TOPORS: variants seen among roughly 807,000 people sequenced by gnomAD.
TOPORS encodes TOP1 binding arginine/serine rich protein, E3 ubiquitin ligase.
TOPORS carries 25 observed loss-of-function variants against 81.4 expected under a neutral mutation model. The observed-to-expected ratio is 0.31, with a 90% CI of 0.22 to 0.43. TOPORS has a LOEUF of 0.43. TOPORS is among the 20% of genes least tolerant of loss of function. TOPORS has a pLI of 1.00. For missense variants in TOPORS, 1,101 were observed against 1,267.0 expected (o/e 0.87, Z 1.99); for synonymous variants, 473 against 456.6 (o/e 1.04, Z -0.46).
intron 2 of TOPORS, among the ~76,000 whole-genome samples, chr9:32,544,861 T>C (rs940155546): frequency 9.2e-5 from 14 of 152,172 alleles, no homozygotes; most frequent in Non-Finnish European, 1.6e-4. Context: ...CACTCCTCAG[T>C]TGATGTTATT....
rs1248823235 is a variant in TOPORS, at chr9:32,552,547, T to G, written c.-111A>C. On this transcript the variant is annotated 5_prime_UTR_variant, in exon 1 of 3. Transcript: ENST00000360538. Reference sequence around the variant, plus strand: ...GGGCCCGCAGGCGGAAAGGCCCTATTTCTTCAGCACCCAGAAACTCCAAAA... The same window carrying G: ...GGGCCCGCAGGCGGAAAGGCCCTATGTCTTCAGCACCCAGAAACTCCAAAA... The G allele has an allele frequency of 1.4e-6, 2 of 1,418,574 alleles. No homozygotes were observed. Among genetic ancestry groups the G allele is most frequent in the Non-Finnish European group, 1.9e-6 (2 of 1,025,760 alleles). 87.9% of individuals were successfully genotyped at this position (1,418,574 alleles called of 1,614,324 possible).
intron 1 of TOPORS, 69 bp downstream of exon 1, chr9:32,552,365 A>G (rs746205226): frequency 3.7e-5 from 59 of 1,588,150 alleles, no homozygotes; most frequent in Non-Finnish European, 4.8e-5. Context: ...CCTGGCAGCC[A>G]CCGCCTGGGA....
Position 32,545,696 on chromosome 9 carries a change from G to T in TOPORS, c.199-1370C>A, listed in dbSNP as rs570611987. Among the ~76,000 whole-genome samples, 13 of 152,124 alleles carry T rather than the reference G, an allele frequency of 8.5e-5. No individual in the cohort carries two copies. The South Asian group carries it at 2.7e-3, about 32-fold the overall frequency. The stretch of plus-strand genomic sequence containing the variant: ...GAATCGCTTGAACCCAGGAGGCAGA[G>T]GTTGCAGTGAGCTGAGACTGCACCA... On this transcript the variant is annotated intron_variant, in intron 2 of 2. Transcript: ENST00000360538.
rs957684945 is a variant in TOPORS, at chr9:32,542,902, C to T, written c.1623G>A (p.Lys541=). ...RCSSPHSVLG[K]DEQINKGHCD... is the part of the protein sequence containing the mutation. Reference sequence around the variant, plus strand: ...AATGACCTTTATTTATTTGTTCATCCTTTCCAAGGACAGAGTGTGGAGATG... The same window carrying T: ...AATGACCTTTATTTATTTGTTCATCTTTTCCAAGGACAGAGTGTGGAGATG... The change falls in exon 3 of 3, where the codon AAG becomes AAA. Residue 541 remains lysine (K), a synonymous_variant. Transcript: ENST00000360538. 6 of 1,613,960 alleles carry T rather than the reference C, an allele frequency of 3.7e-6. No homozygotes were observed. The highest frequency in any genetic ancestry group is 5.1e-6 in the Non-Finnish European group (6 of 1,180,012).
Position 32,550,979 on chromosome 9 carries a change from A to C in TOPORS, c.4-11T>G. ...CGGCGGCTGCGACCCCTGTGACGCA[A>C]AGGGCTCATCACCAATGGCAGCTCG... On this transcript the variant is annotated splice_polypyrimidine_tract_variant and intron_variant, in intron 1 of 2. Transcript: ENST00000360538. The C allele has an allele frequency of 6.2e-7, 1 of 1,609,076 alleles. No homozygotes were observed. The highest frequency in any genetic ancestry group is 8.5e-7 in the Non-Finnish European group (1 of 1,179,716).
intron 2 of TOPORS, among the ~76,000 whole-genome samples, chr9:32,550,297 C>T (rs1468140246): frequency 6.6e-6 from 1 of 152,196 alleles, no homozygotes; most frequent in African/African-American, 2.4e-5. Flanking sequence ...ACAGACAAGT[C>T]CCAACTCCCA....
chr9:32,544,021 A>G lies in TOPORS; in HGVS notation c.504T>C (p.Asn168=). The G allele has an allele frequency of 1.2e-6, 2 of 1,614,202 alleles. No homozygotes were observed. The highest frequency in any genetic ancestry group is 1.7e-6 in the Non-Finnish European group (2 of 1,180,034). The part of the protein sequence containing the change: ...FKEYVLRPSY[N]GSFVTPDRRF... ...GTCGATCAGGGGTGACAAAAGAACC[A>G]TTATACGAAGGCCTTAGGACATACT... Residue 168 remains asparagine (N), a synonymous_variant, in exon 3 of 3, where the codon AAT becomes AAC. Transcript: ENST00000360538.
At chr9:32,550,660 A>G (rs1821222415) in intron 2 of TOPORS, 114 bp downstream of exon 2, 1 of 1,216,670 alleles carries the variant, frequency 8.2e-7, no homozygotes, top group Non-Finnish European at 1.2e-6. Flanking sequence ...AGGCCCGGAC[A>G]GCCCCGCAGG....
intron 1 of TOPORS, 118 bp downstream of exon 1, chr9:32,552,316 G>C: frequency 7.0e-7 from 1 of 1,432,826 alleles, no homozygotes. Context: ...GAAGCGAGTG[G>C]GCGGGCGCTC....
chr9:32,547,886 C>T (rs1462219385), intron 2 of TOPORS, among the ~76,000 whole-genome samples: 4 of 151,678 alleles, frequency 2.6e-5, no homozygotes, highest in African/African-American at 9.7e-5. Flanking sequence ...GGCTGGAATG[C>T]AGTGGCGCGA....
At chr9:32,548,944 A>G (rs1821179042) in intron 2 of TOPORS, among the ~76,000 whole-genome samples, 2 of 152,310 alleles carry the variant, frequency 1.3e-5, no homozygotes, top group Admixed American at 6.5e-5. Context: ...AGGAGACTGG[A>G]TATTTGAAAA....
In TOPORS at chr9:32,542,289, C is replaced by T; in HGVS notation, c.2236G>A (p.Glu746Lys). ...TTTTTTTTCCTAGCATTTGTTCTTT[C>T]AGAAAAGGACTGAACTCTAAATTCT... ...SPEFRVQSFS[E>K]RTNARKKNNH... is the part of the protein sequence containing the mutation. The change falls in exon 3 of 3, where the codon GAA becomes AAA. Residue 746 changes from glutamate (E) to lysine (K), a missense_variant. Physicochemically the swap from Glu to Lys is moderately conservative, Grantham distance 56 (BLOSUM62 1). Around this residue, in one of 9 missense-constraint regions of TOPORS, gnomAD observed 605 missense variants for 636.1 expected, o/e 0.95. Coordinates refer to ENST00000360538, the MANE Select transcript of TOPORS (RefSeq NM_005802.5). 3 of 1,614,032 alleles carry T rather than the reference C, an allele frequency of 1.9e-6. No homozygotes were observed. The highest frequency in any genetic ancestry group is 1.7e-6 in the Non-Finnish European group (2 of 1,180,004).
chr9:32,542,089 TG>T lies in TOPORS; in HGVS notation c.2435del (p.Pro812HisfsTer54). The stretch of plus-strand genomic sequence containing the variant: ...TTGCTTTAGAAGCAAATTCACGAGA[TG>T]GCTGAGCCACTTCGTTAGTACCCTC... ...HLEGTNEVAQ[P>X]SREFASKAKD... On this transcript the variant is annotated frameshift_variant, in exon 3 of 3. Coordinates refer to ENST00000360538, the MANE Select transcript of TOPORS (RefSeq NM_005802.5). LOFTEE classifies it high-confidence loss of function. 1.2e-6 allele frequency: 2 copies of T among 1,614,184 alleles called. No homozygotes were observed. Among genetic ancestry groups the T allele is most frequent in the Non-Finnish European group, 1.7e-6 (2 of 1,180,036 alleles).
chr9:32,541,756 A>G lies in TOPORS; in HGVS notation c.2769T>C (p.Asp923=), dbSNP rs758943758. The change falls in exon 3 of 3, where the codon GAT becomes GAC. Residue 923 remains aspartate, a synonymous_variant. Coordinates refer to ENST00000360538, the MANE Select transcript of TOPORS (RefSeq NM_005802.5). ...GAGGACCACTATTGTCACATTCTGT[A>G]TCCTCCTTTACTTCAGAATCCTTAT... is the stretch of plus-strand genomic sequence containing the variant. ...DSDKDSEVKE[D]TECDNSGPQD... 5 of 1,614,202 alleles carry G rather than the reference A, an allele frequency of 3.1e-6. No individual in the cohort carries two copies. Among genetic ancestry groups the G allele is most frequent in the South Asian group, 1.1e-5 (1 of 91,088 alleles).
At chr9:32,550,678 C>T in intron 2 of TOPORS, 96 bp downstream of exon 2, 1 of 1,462,638 alleles carries the variant, frequency 6.8e-7, no homozygotes, top group Non-Finnish European at 9.5e-7. Context: ...AGGCCATGAC[C>T]GCAACCCTCG....
In TOPORS at chr9:32,541,518, T is replaced by TG. The variant is rs1392217836; in HGVS notation, c.3006dup (p.Thr1003HisfsTer5). 1 of 1,614,058 alleles carries TG rather than the reference T, an allele frequency of 6.2e-7. No homozygotes were observed. The highest frequency in any genetic ancestry group is 1.3e-5 in the African/African-American group (1 of 74,924). On this transcript the variant is annotated frameshift_variant, in exon 3 of 3. Transcript: ENST00000360538. LOFTEE classifies it high-confidence loss of function. Reference sequence around the variant, plus strand: ...TGGTTCTCCAAATCAGAAACAAAGGTGCTCTCTTCTCTTACATCGAGAGTT... The same window carrying TG: ...TGGTTCTCCAAATCAGAAACAAAGGTGGCTCTCTTCTCTTACATCGAGAGTT...
chr9:32,552,515 A>T lies in TOPORS; in HGVS notation c.-79T>A. ...GGGATCGCGGGCCCCCACCGTGTCGACTCACTGGGCCCGCAGGCGGAAAGG... is the reference window on the plus strand; with the variant it reads ...GGGATCGCGGGCCCCCACCGTGTCGTCTCACTGGGCCCGCAGGCGGAAAGG... On this transcript the variant is annotated 5_prime_UTR_variant, in exon 1 of 3. Coordinates refer to ENST00000360538, the MANE Select transcript of TOPORS (RefSeq NM_005802.5). 6.4e-7 allele frequency: 1 copy of T among 1,560,710 alleles called. No individual in the cohort carries two copies. The highest frequency in any genetic ancestry group is 8.7e-7 in the Non-Finnish European group (1 of 1,149,330).
At position 32,550,932 on chromosome 9, in the gene TOPORS, C is replaced by A; in HGVS notation, c.40G>T (p.Glu14Ter). 1 of 1,612,402 alleles carries A rather than the reference C, an allele frequency of 6.2e-7. No individual in the cohort carries two copies. The highest frequency in any genetic ancestry group is 8.5e-7 in the Non-Finnish European group (1 of 1,179,814). The change falls in exon 2 of 3, where the codon GAG becomes TAG. Residue 14 changes from glutamate (E) to a stop codon, truncating the protein, a stop_gained. Transcript: ENST00000360538. LOFTEE classifies it high-confidence loss of function. ...GCAGGCGGGGGCGCTTCACCCTCCT[C>A]GCGAGACAGCGGAGACCCCAGCGGC... ...QPPLGSPLSR[E>*]EGEAPPPAPA...
intron 2 of TOPORS, among the ~76,000 whole-genome samples, chr9:32,547,349 C>T (rs1339784436): frequency 1.3e-5 from 2 of 152,058 alleles, no homozygotes; most frequent in African/African-American, 4.8e-5. Context: ...AATTACACAC[C>T]TAGATATACC....
Sources: gnomAD v4.1 joint callset for allele counts (sites outside exome capture counted in the v4.1 genomes callset) on GRCh38, gnomAD v4.1.1 for gene constraint, gnomAD v4.1.1 regional missense constraint, MANE v1.5 for transcripts, NCBI Gene and HGNC (gene_info 2026-07-23, HGNC 2026-07-21) for gene names.